The following OPN4 variants were observed in gnomAD, a reference collection of about 807,000 sequenced individuals.
The protein encoded by OPN4 is opsin 4.
In OPN4, 43 loss-of-function variants were observed where a neutral mutation model predicts 49.5. The observed-to-expected ratio is 0.87, with a 90% confidence interval of 0.68 to 1.12. The LOEUF is 1.12. Ranked by LOEUF, OPN4 falls within the 50% of genes most tolerant of loss-of-function variation. The probability of loss-of-function intolerance (pLI) is 0.00; values close to 1 mark genes in which losing one functional copy is unlikely to be tolerated. For synonymous variants in OPN4, 263 were observed against 258.0 expected, an observed-to-expected ratio of 1.02 and a Z score of -0.19; for missense variants, 657 against 643.9, an observed-to-expected ratio of 1.02 and a Z score of -0.22.
rs768575824 is a variant in OPN4, at chr10:86,662,668, G to A, written c.1254+236G>A. ...GGATGGTTTGGGGGTTCCCAGGAGC[G>A]GGGCCAGGATTGAACACAGGTCTTC... is the stretch of plus-strand genomic sequence containing the variant. On this transcript the variant is annotated intron_variant, in intron 8 of 9. Coordinates refer to ENST00000241891, the MANE Select transcript of OPN4 (RefSeq NM_033282.4). 2.4e-4 allele frequency among the ~76,000 whole-genome samples: 36 copies of A among 152,238 alleles called. 1 individual carries two copies. The highest frequency in any genetic ancestry group is 1.3e-4 in the Non-Finnish European group (9 of 68,040).
intron 9 of OPN4, 81 bp downstream of exon 9, chr10:86,663,883 G>T: frequency 6.7e-7 from 1 of 1,484,870 alleles, no homozygotes; most frequent in South Asian, 1.3e-5. Flanking sequence ...AGGAAAGAGA[G>T]ACTTGTTCTC....
chr10:86,656,645 C>T (rs1415199605), intron 2 of OPN4, among the ~76,000 whole-genome samples: 1 of 152,102 alleles, frequency 6.6e-6, no homozygotes, highest in African/African-American at 2.4e-5. Flanking sequence ...CCTCCCCCTG[C>T]GTTGAAGAGC....
At chr10:86,659,621 AG>A (rs1843955925) in intron 5 of OPN4, among the ~76,000 whole-genome samples, 153 bp downstream of exon 5, 1 of 152,218 alleles carries the variant, frequency 6.6e-6, no homozygotes, top group Non-Finnish European at 1.5e-5. Context: ...AGCAGTGTCT[AG>A]GGGAGCCTCA....
Position 86,665,768 on chromosome 10 carries a change from C to CTA in OPN4, c.*17_*18insTA. On this transcript the variant is annotated 3_prime_UTR_variant, in exon 10 of 10. Transcript: ENST00000241891. ...AGGATGTAGGACGCCCACTGGCTCT[C>CTA]CCTTTCTTCTGAGACACATCCAGCC... 6.2e-7 allele frequency: 1 copy of CTA among 1,608,434 alleles called. No homozygotes were observed. The highest frequency in any genetic ancestry group is 2.2e-5 in the East Asian group (1 of 44,850).
At chr10:86,659,262 C>T (rs748938139) in intron 4 of OPN4, 35 bp from the exon 5 acceptor site, 11 of 1,568,378 alleles carry the variant, frequency 7.0e-6, no homozygotes, top group Admixed American at 6.8e-5. Flanking sequence ...TGGTCAGTGC[C>T]GCCCCAAAGG....
At chr10:86,663,011 G>A (rs977805280) in intron 8 of OPN4, among the ~76,000 whole-genome samples, 1 of 152,242 alleles carries the variant, frequency 6.6e-6, no homozygotes, top group Admixed American at 6.5e-5. Flanking sequence ...TCAGATCAAC[G>A]CTGTCCAGGT....
rs1844169852 is a variant in OPN4 at position 86,666,041 on chromosome 10, A to G, written c.*290A>G. 2 of 480,720 alleles carry G rather than the reference A, an allele frequency of 4.2e-6. No homozygotes were observed. The highest frequency in any genetic ancestry group is 7.9e-5 in the Admixed American group (2 of 25,386). The allele number at this position is 480,720 out of a possible 1,614,324, so 29.8% of individuals were successfully genotyped here. ...CTTCCCGAGTTGTCTGCCTCTCCTC[A>G]AATGCTGTGTGCTGCAATTGTCCAG... On this transcript the variant is annotated 3_prime_UTR_variant, in exon 10 of 10. Transcript: ENST00000241891.
intron 3 of OPN4, 120 bp from the exon 4 acceptor site, chr10:86,658,364 C>A: frequency 7.9e-7 from 1 of 1,268,330 alleles, no homozygotes; most frequent in Non-Finnish European, 1.1e-6. Context: ...CCAGATGTGG[C>A]AGGTGGAGGG....
In OPN4 at chr10:86,665,800, C is replaced by T. The variant is rs371009506; in HGVS notation, c.*49C>T. On this transcript the variant is annotated 3_prime_UTR_variant, in exon 10 of 10. Coordinates refer to ENST00000241891, the MANE Select transcript of OPN4 (RefSeq NM_033282.4). Reference sequence around the variant, plus strand: ...TTCTGAGACACATCCAGCCCCCCCACGTCTCCCTCATATACACAGACCCAG... The same window carrying T: ...TTCTGAGACACATCCAGCCCCCCCATGTCTCCCTCATATACACAGACCCAG... 22 of 1,432,410 alleles carry T rather than the reference C, an allele frequency of 1.5e-5. No individual in the cohort carries two copies. Among genetic ancestry groups the T allele is most frequent in the South Asian group, 2.3e-5 (2 of 86,536 alleles). 88.7% of individuals were successfully genotyped at this position (1,432,410 alleles called of 1,614,324 possible). A position where few individuals can be genotyped will look rare whatever the true frequency, so the allele number is the denominator to read the frequency against.
chr10:86,659,228 A>G (rs1302279311), intron 4 of OPN4, 69 bp from the exon 5 acceptor site: 1 of 1,294,440 alleles, frequency 7.7e-7, no homozygotes. Flanking sequence ...GCCACATACA[A>G]AGCTCCTGCC....
Position 86,665,186 on chromosome 10 carries a change from T to C in OPN4, c.1399-527T>C, listed in dbSNP as rs34549734. On this transcript the variant is annotated intron_variant, in intron 9 of 9. Transcript: ENST00000241891. ...GAGCAGCCAGAGGGACCCTGGGGAT[T>C]GGCAGTGGGGGACATAGGAGAAGGG... is the stretch of plus-strand genomic sequence containing the variant. Among the ~76,000 whole-genome samples the C allele has an allele frequency of 6.9e-3, 1,045 of 152,042 alleles. 14 individuals carry two copies. Among genetic ancestry groups the C allele is most frequent in the African/African-American group, 0.024 (1,008 of 41,456 alleles).
At chr10:86,662,578 C>T in intron 8 of OPN4, 146 bp downstream of exon 8, 2 of 729,036 alleles carry the variant, frequency 2.7e-6, no homozygotes, top group Non-Finnish European at 2.2e-6. Flanking sequence ...AGGAAGAGCC[C>T]CTCCCAACAC....
intron 9 of OPN4, 92 bp downstream of exon 9, chr10:86,663,894 A>G (rs1370113887): frequency 4.9e-6 from 7 of 1,439,510 alleles, no homozygotes; most frequent in Admixed American, 2.3e-5. Flanking sequence ...ACTTGTTCTC[A>G]TGGGCAGGGG....
At chr10:86,665,387 G>A (rs1589593748) in intron 9 of OPN4, among the ~76,000 whole-genome samples, 1 of 152,130 alleles carries the variant, frequency 6.6e-6, no homozygotes, top group Admixed American at 6.5e-5. Context: ...TTTAAGGACA[G>A]CAGGAGCGGG....
At position 86,654,581 on chromosome 10, in the gene OPN4, C is replaced by A. The variant is rs1843820091; in HGVS notation, c.-203C>A. On this transcript the variant is annotated 5_prime_UTR_variant, in exon 1 of 10. Transcript: ENST00000241891. ...CATAACTGCGACACTCACTCATTTGCGCTTCACCAGACACAGAGCAACCGC... is the reference window on the plus strand; with the variant it reads ...CATAACTGCGACACTCACTCATTTGAGCTTCACCAGACACAGAGCAACCGC... The A allele has an allele frequency of 8.5e-6, 5 of 590,728 alleles. No individual in the cohort carries two copies. The highest frequency in any genetic ancestry group is 3.1e-5 in the Admixed American group (1 of 32,450). The allele number at this position is 590,728 out of a possible 1,614,324, so 36.6% of individuals were successfully genotyped here.
Position 86,665,822 on chromosome 10 carries a change from C to G in OPN4, c.*71C>G. Reference sequence around the variant, plus strand: ...CCACGTCTCCCTCATATACACAGACCCAGGATTATGCTGTGAGCCTGCAGG... The same window carrying G: ...CCACGTCTCCCTCATATACACAGACGCAGGATTATGCTGTGAGCCTGCAGG... On this transcript the variant is annotated 3_prime_UTR_variant, in exon 10 of 10. Transcript: ENST00000241891. The G allele has an allele frequency of 8.2e-7, 1 of 1,218,838 alleles. No individual in the cohort carries two copies. The highest frequency in any genetic ancestry group is 1.2e-6 in the Non-Finnish European group (1 of 830,338). The allele number at this position is 1,218,838 out of a possible 1,614,324, so 75.5% of individuals were successfully genotyped here.
chr10:86,661,300 C>T lies in OPN4; in HGVS notation c.985C>T (p.Pro329Ser). ...TCCTAGGTACGCACACGTCCTGACA[C>T]CCTACATGAGCTCGGTGCCAGCCGT... Reference protein sequence around the residue: ...AFAGYAHVLTPYMSSVPAVIA... With the variant: ...AFAGYAHVLTSYMSSVPAVIA... The change falls in exon 7 of 10, where the codon CCC (proline) becomes TCC (serine). Residue 329 changes from proline to serine, a missense_variant. Pro to Ser is a moderately conservative substitution (Grantham distance 74). Transcript: ENST00000241891. The T allele has an allele frequency of 1.9e-6, 3 of 1,614,006 alleles. No homozygotes were observed. Among genetic ancestry groups the T allele is most frequent in the South Asian group, 2.2e-5 (2 of 91,074 alleles).
In OPN4 at chr10:86,656,517, C is replaced by A. The variant is rs563457240; in HGVS notation, c.290+217C>A. On this transcript the variant is annotated intron_variant, in intron 2 of 9. Coordinates refer to ENST00000241891, the MANE Select transcript of OPN4 (RefSeq NM_033282.4). ...GGTCCAGGGAGACTTGACTGACTGG[C>A]ACTAATTGAGACCCAGGTGCATCCT... Among the ~76,000 whole-genome samples, 3 of 152,276 alleles carry A rather than the reference C, an allele frequency of 2.0e-5. No individual in the cohort carries two copies. In the East Asian group the frequency reaches 5.8e-4, roughly 29 times the overall value.
intron 1 of OPN4, 30 bp from the exon 2 acceptor site, chr10:86,656,123 CAT>C (rs919601608): frequency 3.0e-5 from 48 of 1,613,872 alleles, no homozygotes; most frequent in Non-Finnish European, 3.8e-5. Context: ...CAAGCGATAA[CAT>C]GATTCCCTCG....
Sources: allele counts gnomAD v4.1 joint callset (sites outside exome capture counted in the v4.1 genomes callset), GRCh38; gene constraint gnomAD v4.1.1; transcripts MANE v1.5; gene names NCBI Gene and HGNC (gene_info 2026-07-23, HGNC 2026-07-21).